CMSS1: variants seen among roughly 807,000 people sequenced by gnomAD.
CMSS1 encodes protein CMSS1.
CMSS1 carries 33 observed loss-of-function variants against 43.5 expected under a neutral mutation model. The ratio of observed to expected loss-of-function variants is 0.76; its 90% CI spans 0.57 to 1.01. CMSS1 has a LOEUF of 1.01. Among genes scored for constraint, CMSS1 ranks in the 50% least tolerant of loss-of-function variants. The pLI is 0.00. For missense variants in CMSS1, 313 were observed against 326.4 expected (o/e 0.96, Z 0.32); for synonymous variants, 115 against 117.2 (o/e 0.98, Z 0.12).
chr3:99,953,429 T>C (rs1708234804), intron 1 of CMSS1, among the ~76,000 whole-genome samples: 1 of 152,146 alleles, frequency 6.6e-6, no homozygotes, highest in Non-Finnish European at 1.5e-5. Context: ...AGGGTGCAGT[T>C]TGAGGTACAG....
chr3:99,896,383 A>G (rs1008727046), intron 1 of CMSS1, among the ~76,000 whole-genome samples: 2 of 152,086 alleles, frequency 1.3e-5, no homozygotes, highest in African/African-American at 2.4e-5. Flanking sequence ...CATTTTAAAC[A>G]GTCTGCATGC....
At chr3:100,081,258 CT>C (rs1222702631) in intron 1 of CMSS1, among the ~76,000 whole-genome samples, 1 of 152,102 alleles carries the variant, frequency 6.6e-6, no homozygotes, top group Non-Finnish European at 1.5e-5. Context: ...TCTTTTATCT[CT>C]TTTTTTGTCA....
chr3:99,904,210 G>A (rs372309481), intron 1 of CMSS1, among the ~76,000 whole-genome samples: 2 of 152,192 alleles, frequency 1.3e-5, no homozygotes, highest in African/African-American at 2.4e-5. Flanking sequence ...ATAAACAAAG[G>A]TCTATAAGGG....
chr3:100,095,392 A>G, intron 1 of CMSS1, among the ~76,000 whole-genome samples: 1 of 152,224 alleles, frequency 6.6e-6, no homozygotes, highest in East Asian at 1.9e-4. Context: ...CGTGAATTCA[A>G]CCAACTACAT....
At chr3:99,904,313 A>G (rs1303490888) in intron 1 of CMSS1, among the ~76,000 whole-genome samples, 1 of 152,250 alleles carries the variant, frequency 6.6e-6, no homozygotes, top group Non-Finnish European at 1.5e-5. Flanking sequence ...GAGATCTTTC[A>G]GTAGGGAGAG....
At chr3:100,057,125 A>G (rs1299038855) in intron 1 of CMSS1, among the ~76,000 whole-genome samples, 2 of 152,248 alleles carry the variant, frequency 1.3e-5, no homozygotes, top group Admixed American at 6.5e-5. Context: ...CTGCAGTCAG[A>G]GAAGCTCTGG....
Position 100,078,491 on chromosome 3 carries a change from A to G in CMSS1, c.65-68482A>G, listed in dbSNP as rs544340256. Among the ~76,000 whole-genome samples the G allele has an allele frequency of 3.9e-5, 6 of 152,302 alleles. No homozygotes were observed. The South Asian group carries it at 1.2e-3, about 32-fold the overall frequency. ...AGCAATAATTTATTTTTTATTGACT[A>G]GGTCAAGGGTGTCCAATCTTTGGCT... On this transcript the variant is annotated intron_variant, in intron 1 of 9. Transcript: ENST00000421999.
chr3:100,135,445 T>TGTGC (rs1325142554), intron 1 of CMSS1, among the ~76,000 whole-genome samples: 9 of 66,452 alleles, frequency 1.4e-4, no homozygotes, highest in African/African-American at 5.0e-4. Context: ...TGCATGTGTG[T>TGTGC]GTGTGTGTGT....
intron 1 of CMSS1, among the ~76,000 whole-genome samples, chr3:99,926,266 A>G (rs577708712): frequency 5.4e-4 from 83 of 152,378 alleles, no homozygotes; most frequent in African/African-American, 1.9e-3. Context: ...TGACTTCTAA[A>G]TGCTTAAATT....
chr3:100,128,522 A>T (rs892840174), intron 1 of CMSS1, among the ~76,000 whole-genome samples: 2 of 152,208 alleles, frequency 1.3e-5, no homozygotes, highest in African/African-American at 2.4e-5. Flanking sequence ...TGCATATTTT[A>T]ATTGAGTTAT....
At chr3:99,848,213 T>C (rs1943457153) in intron 1 of CMSS1, 3 of 1,571,612 alleles carry the variant, frequency 1.9e-6, no homozygotes, top group Admixed American at 1.7e-5. Context: ...GGAGGGATGA[T>C]TAAAAAAGGA....
At chr3:99,927,901 G>A (rs1489054964) in intron 1 of CMSS1, among the ~76,000 whole-genome samples, 1 of 152,168 alleles carries the variant, frequency 6.6e-6, no homozygotes, top group African/African-American at 2.4e-5. Flanking sequence ...TCTTAAGTCA[G>A]TGTTCCTGTC....
At chr3:100,091,733 C>T (rs1176588954) in intron 1 of CMSS1, among the ~76,000 whole-genome samples, 1 of 152,226 alleles carries the variant, frequency 6.6e-6, no homozygotes, top group Non-Finnish European at 1.5e-5. Flanking sequence ...CCATTTTCTA[C>T]CAGTATCATT....
At chr3:99,987,486 G>A (rs1709376801) in intron 1 of CMSS1, among the ~76,000 whole-genome samples, 2 of 144,028 alleles carry the variant, frequency 1.4e-5, no homozygotes, top group Non-Finnish European at 3.0e-5. Flanking sequence ...CCAAGATTGT[G>A]CCACTGCACT....
At chr3:100,067,624 A>G (rs778279506) in intron 1 of CMSS1, among the ~76,000 whole-genome samples, 1 of 152,246 alleles carries the variant, frequency 6.6e-6, no homozygotes, top group Non-Finnish European at 1.5e-5. Flanking sequence ...AAGAACAACT[A>G]GAATTCACAA....
intron 1 of CMSS1, among the ~76,000 whole-genome samples, chr3:100,004,634 G>A (rs1348685042): frequency 6.6e-6 from 1 of 152,218 alleles, no homozygotes; most frequent in Non-Finnish European, 1.5e-5. Context: ...CCAACAGGAT[G>A]TCATGAAACC....
intron 1 of CMSS1, among the ~76,000 whole-genome samples, chr3:99,900,605 T>C (rs1179430138): frequency 6.6e-6 from 1 of 152,200 alleles, no homozygotes; most frequent in Non-Finnish European, 1.5e-5. Flanking sequence ...AGTTATTTGT[T>C]CCAACCATTT....
chr3:100,018,837 T>G (rs1044130608), intron 1 of CMSS1, among the ~76,000 whole-genome samples: 12 of 151,278 alleles, frequency 7.9e-5, no homozygotes, highest in African/African-American at 2.9e-4. Flanking sequence ...TATAAGACTG[T>G]CCTACAACTC....
chr3:99,931,737 G>A (rs999420591), intron 1 of CMSS1, among the ~76,000 whole-genome samples: 4 of 152,104 alleles, frequency 2.6e-5, no homozygotes, highest in Non-Finnish European at 5.9e-5. Flanking sequence ...ACTACCTAAC[G>A]TAGTTGGCCA....
Sources: allele counts gnomAD v4.1 joint callset (sites outside exome capture counted in the v4.1 genomes callset), GRCh38; gene constraint gnomAD v4.1.1; transcripts MANE v1.5; gene names NCBI Gene and HGNC (gene_info 2026-07-23, HGNC 2026-07-21).